The following WDR7 variants were observed in gnomAD, a reference collection of about 807,000 sequenced individuals.
The protein encoded by WDR7 is WD repeat domain 7.
In WDR7, 46 loss-of-function variants were observed where a neutral mutation model predicts 169.4. The observed-to-expected ratio is 0.27, with a 90% CI of 0.21 to 0.35. The LOEUF (loss-of-function observed/expected upper bound fraction) is 0.35, where lower values mean the gene tolerates loss of function less well. Among genes scored for constraint, WDR7 ranks in the 10% least tolerant of loss-of-function variants. WDR7 has a pLI of 1.00. For missense variants in WDR7, 1,534 were observed against 1,859.3 expected (o/e 0.83, Z 3.22); for synonymous variants, 612 against 666.8 (o/e 0.92, Z 1.27).
chr18:56,700,337 A>G (rs1475340933), intron 12 of WDR7, among the ~76,000 whole-genome samples: 1 of 136,534 alleles, frequency 7.3e-6, no homozygotes, highest in African/African-American at 2.7e-5. Context: ...GCTCACTGCA[A>G]CCTCCACCTC....
intron 20 of WDR7, among the ~76,000 whole-genome samples, chr18:56,822,276 A>T (rs891451769): frequency 1.3e-5 from 2 of 152,196 alleles, no homozygotes; most frequent in African/African-American, 4.8e-5. Context: ...ATACGTGTAA[A>T]TGTTCATTGT....
intron 25 of WDR7, among the ~76,000 whole-genome samples, chr18:56,955,534 G>T (rs1037897892): frequency 6.6e-6 from 1 of 152,018 alleles, no homozygotes; most frequent in Non-Finnish European, 1.5e-5. Flanking sequence ...AAAATATTCT[G>T]AGCATTCATT....
chr18:56,990,857 C>T (rs2047802398), intron 26 of WDR7, among the ~76,000 whole-genome samples: 1 of 152,198 alleles, frequency 6.6e-6, no homozygotes, highest in Admixed American at 6.5e-5. Flanking sequence ...TCAATCTCAG[C>T]TTTTCTCTCT....
intron 18 of WDR7, 41 bp downstream of exon 18, chr18:56,779,590 A>C: frequency 6.7e-7 from 1 of 1,489,736 alleles, no homozygotes; most frequent in Non-Finnish European, 9.3e-7. Flanking sequence ...AAAATATTAA[A>C]AAGGCATTGG....
intron 20 of WDR7, among the ~76,000 whole-genome samples, chr18:56,844,826 G>A (rs1043219684): frequency 3.3e-5 from 5 of 152,080 alleles, no homozygotes; most frequent in African/African-American, 1.2e-4. Context: ...ACTCTTTCCT[G>A]GTATAGTAGT....
intron 14 of WDR7, among the ~76,000 whole-genome samples, chr18:56,754,317 ATATG>A (rs1314248890): frequency 6.8e-6 from 1 of 148,072 alleles, no homozygotes; most frequent in African/African-American, 2.6e-5. Context: ...ATATACATAT[ATATG>A]TGTGTATATA....
chr18:56,815,278 C>T (rs1189330253), intron 19 of WDR7, among the ~76,000 whole-genome samples: 1 of 151,974 alleles, frequency 6.6e-6, no homozygotes, highest in African/African-American at 2.4e-5. Flanking sequence ...TTTTGATAAC[C>T]ATGTGAAAAA....
intron 26 of WDR7, among the ~76,000 whole-genome samples, chr18:56,980,023 G>A (rs940050479): frequency 1.3e-5 from 2 of 152,128 alleles, no homozygotes; most frequent in African/African-American, 2.4e-5. Flanking sequence ...CAAAGCCACA[G>A]GCCATTCTGA....
Position 56,762,772 on chromosome 18 carries a change from C to T in WDR7, c.2848+3819C>T, listed in dbSNP as rs138284830. On this transcript the variant is annotated intron_variant, in intron 16 of 27. Coordinates refer to ENST00000254442, the MANE Select transcript of WDR7 (RefSeq NM_015285.3). ...AAATTCTGCTCTTTATTTACATCCT[C>T]CTCCATTTTTTGGATTCAGTGTGCT... Among the ~76,000 whole-genome samples the T allele has an allele frequency of 1.0e-3, 159 of 152,100 alleles. 1 individual carries two copies. The highest frequency in any genetic ancestry group is 6.8e-3 in the Middle Eastern group (2 of 294).
intron 12 of WDR7, among the ~76,000 whole-genome samples, chr18:56,710,006 G>GT (rs71169391): frequency 0.05 from 7,042 of 142,240 alleles, 653 homozygotes; most frequent in African/African-American, 0.17. Flanking sequence ...ATATATAGTT[G>GT]TTTTTTTTTT....
intron 16 of WDR7, among the ~76,000 whole-genome samples, chr18:56,764,011 A>G (rs535952841): frequency 6.6e-6 from 1 of 151,986 alleles, no homozygotes; most frequent in East Asian, 1.9e-4. Flanking sequence ...CTAGCCTTCT[A>G]TTCATTGATA....
At chr18:56,949,200 G>T (rs138015225) in intron 25 of WDR7, among the ~76,000 whole-genome samples, 18 of 151,746 alleles carry the variant, frequency 1.2e-4, no homozygotes, top group African/African-American at 3.9e-4. Context: ...ATGCTTTTCA[G>T]TCTTTAAAGT....
chr18:56,774,750 G>A (rs931432654), intron 16 of WDR7, among the ~76,000 whole-genome samples: 1 of 152,092 alleles, frequency 6.6e-6, no homozygotes, highest in Admixed American at 6.6e-5. Flanking sequence ...TGCCATTTCA[G>A]TTGTGAGGTA....
intron 20 of WDR7, 98 bp from the exon 21 acceptor site, chr18:56,879,846 T>C: frequency 1.1e-6 from 1 of 940,702 alleles, no homozygotes; most frequent in South Asian, 1.7e-5. Context: ...CTGAAAATGC[T>C]ATTCTTTCCG....
intron 13 of WDR7, among the ~76,000 whole-genome samples, chr18:56,723,734 A>G (rs1344108906): frequency 6.6e-6 from 1 of 151,734 alleles, no homozygotes; most frequent in Non-Finnish European, 1.5e-5. Context: ...GATTTTATCA[A>G]ATTTGGAAAA....
chr18:56,938,767 C>T (rs2046993679), intron 24 of WDR7, 85 bp downstream of exon 24: 4 of 1,505,084 alleles, frequency 2.7e-6, no homozygotes, highest in Non-Finnish European at 3.6e-6. Context: ...TCTTTATTTC[C>T]AGCATCTCTA....
intron 1 of WDR7, among the ~76,000 whole-genome samples, chr18:56,656,077 G>A (rs1437953487): frequency 6.6e-6 from 1 of 152,128 alleles, no homozygotes; most frequent in Non-Finnish European, 1.5e-5. Context: ...GTGTGTGTGC[G>A]TATGGATTTA....
At chr18:56,794,384 A>AATGC (rs2145130459) in intron 19 of WDR7, among the ~76,000 whole-genome samples, 1 of 128,668 alleles carries the variant, frequency 7.8e-6, no homozygotes, top group African/African-American at 2.9e-5. Context: ...ATCTTGGCTC[A>AATGC]ATGCAAGCTC....
At chr18:56,839,243 A>G (rs1568224679) in intron 20 of WDR7, among the ~76,000 whole-genome samples, 1 of 152,158 alleles carries the variant, frequency 6.6e-6, no homozygotes, top group African/African-American at 2.4e-5. Context: ...TATTTGTATT[A>G]TGGAAATTTG....
Sources: allele counts gnomAD v4.1 joint callset (sites outside exome capture counted in the v4.1 genomes callset), GRCh38; gene constraint gnomAD v4.1.1; transcripts MANE v1.5; gene names NCBI Gene and HGNC (gene_info 2026-07-23, HGNC 2026-07-21).